BICC1: variants seen among roughly 807,000 people sequenced by gnomAD.
BICC1 encodes protein bicaudal C homolog 1.
BICC1 carries 43 observed loss-of-function variants against 111.0 expected under a neutral mutation model. The ratio of observed to expected loss-of-function variants is 0.39; its 90% CI spans 0.30 to 0.50. The LOEUF (loss-of-function observed/expected upper bound fraction) is 0.50. BICC1 is among the 20% of genes least tolerant of loss of function. The pLI is 0.88. For missense variants in BICC1, 1,091 were observed against 1,203.2 expected (o/e 0.91, Z 1.38); for synonymous variants, 467 against 434.4 (o/e 1.07, Z -0.93).
At chr10:58,763,370 C>T (rs1842372083) in intron 3 of BICC1, among the ~76,000 whole-genome samples, 1 of 151,994 alleles carries the variant, frequency 6.6e-6, no homozygotes, top group African/African-American at 2.4e-5. Flanking sequence ...ATAGCCATAG[C>T]CCTGAGCTTT....
At chr10:58,621,934 T>C (rs530213977) in intron 2 of BICC1, among the ~76,000 whole-genome samples, 28,774 of 67,404 alleles carry the variant, frequency 0.43, 8,439 homozygotes, top group African/African-American at 0.5. Flanking sequence ...TAGAATAGAA[T>C]AGAATAGAAT....
intron 3 of BICC1, among the ~76,000 whole-genome samples, chr10:58,708,303 G>A (rs1278270700): frequency 6.6e-6 from 1 of 152,004 alleles, no homozygotes; most frequent in Non-Finnish European, 1.5e-5. Flanking sequence ...ATATTTAATT[G>A]ATAGAATACT....
At chr10:58,706,513 C>A (rs1365524486) in intron 3 of BICC1, among the ~76,000 whole-genome samples, 1 of 152,098 alleles carries the variant, frequency 6.6e-6, no homozygotes, top group African/African-American at 2.4e-5. Context: ...CGAAGGTGAA[C>A]GGTAAATGAT....
rs544928603 is a variant in BICC1, at chr10:58,620,728, G to A, written c.191-127G>A. On this transcript the variant is annotated intron_variant, in intron 1 of 20. Coordinates refer to ENST00000373886, the MANE Select transcript of BICC1 (RefSeq NM_001080512.3). ...TGCATCCCAGTGAGGCATATTAGCA[G>A]GCACTGAGCTGTGGGAGAGCAAGGC... is the stretch of plus-strand genomic sequence containing the variant. 6.7e-6 allele frequency: 5 copies of A among 745,042 alleles called. No individual in the cohort carries two copies. The South Asian group carries it at 8.8e-5, about 13-fold the overall frequency. 46.2% of individuals were successfully genotyped at this position (745,042 alleles called of 1,614,324 possible).
At chr10:58,794,162 G>GTT (rs1237093797) in intron 9 of BICC1, among the ~76,000 whole-genome samples, 34 of 130,918 alleles carry the variant, frequency 2.6e-4, no homozygotes, top group East Asian at 1.1e-3. Flanking sequence ...CTACTTACAT[G>GTT]TTTTGTGTGT....
intron 1 of BICC1, among the ~76,000 whole-genome samples, chr10:58,536,086 C>T (rs1842819512): frequency 1.3e-5 from 2 of 151,598 alleles, no homozygotes; most frequent in Non-Finnish European, 1.5e-5. Context: ...AAAGCAACTA[C>T]CACTAGACCT....
intron 2 of BICC1, among the ~76,000 whole-genome samples, chr10:58,681,287 T>C (rs913267339): frequency 1.3e-5 from 2 of 152,132 alleles, no homozygotes; most frequent in Non-Finnish European, 1.5e-5. Context: ...AGGCCTAATA[T>C]ACAGAATCTA....
At chr10:58,638,873 CTTTTTTCTCTTCTCT>C (rs1838032659) in intron 2 of BICC1, among the ~76,000 whole-genome samples, 5 of 149,190 alleles carry the variant, frequency 3.4e-5, no homozygotes, top group African/African-American at 1.2e-4. Flanking sequence ...TTTCTCTTCT[CTTTTTTCTCTTCTCT>C]TTTTTCTTTT....
chr10:58,777,726 T>A (rs1432646073), intron 3 of BICC1, among the ~76,000 whole-genome samples: 1 of 152,130 alleles, frequency 6.6e-6, no homozygotes, highest in African/African-American at 2.4e-5. Flanking sequence ...AATATTAAGT[T>A]TCATTTGGAA....
chr10:58,619,822 G>T (rs1297460789), intron 1 of BICC1, among the ~76,000 whole-genome samples: 1 of 152,010 alleles, frequency 6.6e-6, no homozygotes, highest in Non-Finnish European at 1.5e-5. Flanking sequence ...TTAAGTGATT[G>T]CTCTGCCACA....
chr10:58,534,287 G>A (rs942248596), intron 1 of BICC1, among the ~76,000 whole-genome samples: 1 of 151,512 alleles, frequency 6.6e-6, no homozygotes, highest in East Asian at 1.9e-4. Context: ...TTTTCAAGAA[G>A]CAACATAGGA....
chr10:58,514,073 G>C (rs1326902259), intron 1 of BICC1, among the ~76,000 whole-genome samples: 1 of 152,138 alleles, frequency 6.6e-6, no homozygotes, highest in Non-Finnish European at 1.5e-5. Flanking sequence ...TAATTTCTTT[G>C]GGACTTTCCC....
intron 1 of BICC1, among the ~76,000 whole-genome samples, chr10:58,619,494 TTGA>T (rs1845727227): frequency 6.6e-6 from 1 of 151,320 alleles, no homozygotes. Context: ...TTTTTTTTTT[TTGA>T]GAGAGTCTTA....
At chr10:58,578,198 C>G (rs1358914749) in intron 1 of BICC1, among the ~76,000 whole-genome samples, 1 of 152,126 alleles carries the variant, frequency 6.6e-6, no homozygotes, top group Non-Finnish European at 1.5e-5. Flanking sequence ...TCCTTCATTT[C>G]CTGTGTGTCA....
At chr10:58,757,905 A>G (rs898284661) in intron 3 of BICC1, among the ~76,000 whole-genome samples, 2 of 152,176 alleles carry the variant, frequency 1.3e-5, no homozygotes, top group African/African-American at 4.8e-5. Context: ...AGTTCTTGGC[A>G]GTCAGCAACA....
At chr10:58,763,956 G>A (rs1564600188) in intron 3 of BICC1, among the ~76,000 whole-genome samples, 1 of 152,020 alleles carries the variant, frequency 6.6e-6, no homozygotes, top group East Asian at 1.9e-4. Context: ...AGAGAAGACA[G>A]GAAACTAACA....
At chr10:58,523,309 A>G (rs1176680813) in intron 1 of BICC1, among the ~76,000 whole-genome samples, 5 of 152,210 alleles carry the variant, frequency 3.3e-5, no homozygotes, top group Non-Finnish European at 7.3e-5. Flanking sequence ...CCTCAATAAA[A>G]TACTGACAAA....
intron 1 of BICC1, among the ~76,000 whole-genome samples, chr10:58,541,002 C>T (rs1276935077): frequency 2.0e-5 from 3 of 152,018 alleles, no homozygotes; most frequent in African/African-American, 4.8e-5. Flanking sequence ...GAAAGTCATA[C>T]ACCCTTTCAT....
At chr10:58,664,665 A>G (rs1838952975) in intron 2 of BICC1, among the ~76,000 whole-genome samples, 1 of 150,206 alleles carries the variant, frequency 6.7e-6, no homozygotes, top group Non-Finnish European at 1.5e-5. Context: ...TCATTTGACT[A>G]TGCTATCTGT....
Sources: gnomAD v4.1 joint callset for allele counts (sites outside exome capture counted in the v4.1 genomes callset) on GRCh38, gnomAD v4.1.1 for gene constraint, MANE v1.5 for transcripts, NCBI Gene and HGNC (gene_info 2026-07-23, HGNC 2026-07-21) for gene names.